The following CNNM2 variants were observed in gnomAD, a reference collection of about 807,000 sequenced individuals.
The protein encoded by CNNM2 is cyclin and CBS domain divalent metal cation transport mediator 2.
CNNM2 carries 12 observed loss-of-function variants against 66.9 expected under a neutral mutation model. That is an observed-to-expected ratio of 0.18 (90% CI 0.11 to 0.29). The LOEUF is 0.29. CNNM2 is among the 10% of genes least tolerant of loss of function. The pLI, the probability that CNNM2 is intolerant of heterozygous loss-of-function variation, is 1.00. For missense variants in CNNM2, 705 were observed against 1,167.7 expected, an observed-to-expected ratio of 0.60 and a Z score of 5.77; for synonymous variants, 557 against 501.8, an observed-to-expected ratio of 1.11 and a Z score of -1.47.
chr10:103,011,003 T>A (rs907001864), intron 1 of CNNM2, among the ~76,000 whole-genome samples: 1 of 152,186 alleles, frequency 6.6e-6, no homozygotes, highest in African/African-American at 2.4e-5. Context: ...AGGGAAAAAA[T>A]TTCATTTTGA....
chr10:102,974,318 C>T (rs755559774), intron 1 of CNNM2, among the ~76,000 whole-genome samples: 9 of 152,134 alleles, frequency 5.9e-5, no homozygotes, highest in Non-Finnish European at 1.2e-4. Flanking sequence ...ATGTTTTTGT[C>T]AAACTAAGAT....
At chr10:102,987,902 G>C (rs535053805) in intron 1 of CNNM2, among the ~76,000 whole-genome samples, 5 of 152,280 alleles carry the variant, frequency 3.3e-5, no homozygotes, top group Admixed American at 6.5e-5. Flanking sequence ...AGAGTCCACT[G>C]TCTTCTCTCT....
intron 1 of CNNM2, among the ~76,000 whole-genome samples, chr10:103,046,727 G>T (rs1320539684): frequency 6.6e-6 from 1 of 152,202 alleles, no homozygotes; most frequent in South Asian, 2.1e-4. Context: ...AGGCAGCTGG[G>T]TTCAGTCTTG....
chr10:102,982,231 G>A (rs2063730765), intron 1 of CNNM2, among the ~76,000 whole-genome samples: 1 of 151,984 alleles, frequency 6.6e-6, no homozygotes, highest in East Asian at 1.9e-4. Flanking sequence ...TTAGCACTTG[G>A]TTATTGTTAT....
chr10:103,029,249 G>T (rs2064774418), intron 1 of CNNM2, among the ~76,000 whole-genome samples: 1 of 150,554 alleles, frequency 6.6e-6, no homozygotes, highest in South Asian at 2.1e-4. Flanking sequence ...GGATCACCTG[G>T]TCAGGAGTTC....
intron 1 of CNNM2, among the ~76,000 whole-genome samples, chr10:103,010,867 C>T (rs1356073111): frequency 1.3e-5 from 2 of 152,312 alleles, no homozygotes; most frequent in East Asian, 1.9e-4. Flanking sequence ...CTCCCCCCAG[C>T]CTCCCAGGGT....
chr10:102,997,866 A>G (rs867599871), intron 1 of CNNM2, among the ~76,000 whole-genome samples: 3 of 152,218 alleles, frequency 2.0e-5, no homozygotes, highest in Non-Finnish European at 2.9e-5. Context: ...TTTGTATCAT[A>G]ATCTGTAGCA....
intron 1 of CNNM2, among the ~76,000 whole-genome samples, chr10:102,981,422 C>T (rs2063718181): frequency 6.6e-6 from 1 of 151,834 alleles, no homozygotes; most frequent in African/African-American, 2.4e-5. Flanking sequence ...TGGATCCCCA[C>T]ATCAGGATCT....
At chr10:103,060,233 G>A (rs1168089675) in intron 4 of CNNM2, among the ~76,000 whole-genome samples, 1 of 152,034 alleles carries the variant, frequency 6.6e-6, no homozygotes, top group Non-Finnish European at 1.5e-5. Context: ...GAAACTACCT[G>A]AATCGATGAT....
Position 103,082,184 on chromosome 10 carries a change from A to G in CNNM2, c.*5004A>G, listed in dbSNP as rs1715865056. 6.6e-6 allele frequency: 1 copy of G among 152,210 alleles called. No individual in the cohort carries two copies. The highest frequency in any genetic ancestry group is 1.5e-5 in the Non-Finnish European group (1 of 68,042). The allele number at this position is 152,210 out of a possible 1,614,324, so 9.4% of individuals were successfully genotyped here. On this transcript the variant is annotated 3_prime_UTR_variant, in exon 8 of 8. Transcript: ENST00000369878. ...CCCATTGGGACCGTGAACAAATGAG[A>G]AGAATGGGAGCATTGTCTTGCCTCG...
chr10:102,974,351 G>A (rs1053060329), intron 1 of CNNM2, among the ~76,000 whole-genome samples: 2 of 152,160 alleles, frequency 1.3e-5, no homozygotes, highest in African/African-American at 2.4e-5. Flanking sequence ...ATAAGATGAA[G>A]TTTGACTGGA....
intron 4 of CNNM2, among the ~76,000 whole-genome samples, chr10:103,063,465 A>C (rs553102957): frequency 6.6e-6 from 1 of 152,356 alleles, no homozygotes; most frequent in East Asian, 1.9e-4. Flanking sequence ...CTTGAGCCGC[A>C]TGCACTGATC....
At chr10:102,928,978 C>T (rs1348717277) in intron 1 of CNNM2, among the ~76,000 whole-genome samples, 5 of 151,878 alleles carry the variant, frequency 3.3e-5, no homozygotes, top group Admixed American at 1.3e-4. Context: ...TGGCTAGGCT[C>T]GCTGGGCGTG....
Position 103,076,159 on chromosome 10 carries a change from C to T in CNNM2, c.2307C>T (p.Asp769=), listed in dbSNP as rs751443884. 34 of 1,607,840 alleles carry T rather than the reference C, an allele frequency of 2.1e-5. No individual in the cohort carries two copies. The highest frequency in any genetic ancestry group is 3.3e-5 in the South Asian group (3 of 89,630). The change falls in exon 7 of 8, where the codon GAC becomes GAT. Residue 769 remains aspartate, a synonymous_variant. Coordinates refer to ENST00000369878, the MANE Select transcript of CNNM2 (RefSeq NM_017649.5). ...CTCTCAGTCGAAGCGACCGGATTGA[C>T]GCCGTCACACCAACACTGGGGAGCA... ...SDSLSRSDRI[D]AVTPTLGSSN... is the part of the protein sequence containing the mutation.
chr10:102,949,939 T>C (rs1463089597), intron 1 of CNNM2, among the ~76,000 whole-genome samples: 1 of 152,256 alleles, frequency 6.6e-6, no homozygotes, highest in African/African-American at 2.4e-5. Context: ...TTGATAATAC[T>C]GGTTTATTGA....
At chr10:102,951,097 C>T (rs550946962) in intron 1 of CNNM2, among the ~76,000 whole-genome samples, 38 of 150,152 alleles carry the variant, frequency 2.5e-4, no homozygotes, top group African/African-American at 8.8e-4. Context: ...AAGCAATTCT[C>T]CTGCCTCAAC....
intron 1 of CNNM2, among the ~76,000 whole-genome samples, chr10:103,047,044 A>ATAC (rs1261140073): frequency 6.6e-6 from 1 of 152,214 alleles, no homozygotes; most frequent in African/African-American, 2.4e-5. Context: ...ATACATGTAG[A>ATAC]TACTCCCATA....
intron 1 of CNNM2, among the ~76,000 whole-genome samples, chr10:102,993,323 G>C (rs2063930795): frequency 6.6e-6 from 1 of 152,148 alleles, no homozygotes; most frequent in Non-Finnish European, 1.5e-5. Context: ...CCTTAGGATT[G>C]CTGTTAGACT....
chr10:103,064,801 G>A (rs538144851), intron 4 of CNNM2, among the ~76,000 whole-genome samples: 441 of 152,256 alleles, frequency 2.9e-3, no homozygotes, highest in Middle Eastern at 0.01. Flanking sequence ...CCACCGGTGC[G>A]GTGAGCCATG....
Sources: gnomAD v4.1 joint callset for allele counts (sites outside exome capture counted in the v4.1 genomes callset) on GRCh38, gnomAD v4.1.1 for gene constraint, MANE v1.5 for transcripts, NCBI Gene and HGNC (gene_info 2026-07-23, HGNC 2026-07-21) for gene names.